Variants in SPOCK1 observed in about 807,000 individuals in gnomAD.
The protein encoded by SPOCK1 is SPARC (osteonectin), cwcv and kazal like domains proteoglycan 1, also known as testican-1.
A neutral mutation model predicts 55.3 loss-of-function variants in SPOCK1; 23 were observed. The observed-to-expected ratio is 0.42, with a 90% confidence interval of 0.30 to 0.59. The LOEUF (loss-of-function observed/expected upper bound fraction) is 0.59. SPOCK1 is among the 20% of genes least tolerant of loss of function. SPOCK1 has a pLI of 0.22. For missense variants in SPOCK1, 499 were observed against 552.5 expected (o/e 0.90, Z 0.97); for synonymous variants, 226 against 221.0 (o/e 1.02, Z -0.20).
chr5:137,329,945 CT>C (rs1561506452), intron 2 of SPOCK1, among the ~76,000 whole-genome samples: 1 of 152,148 alleles, frequency 6.6e-6, no homozygotes, highest in African/African-American at 2.4e-5. Context: ...ACAGGCTCCC[CT>C]GGCCCTCAAA....
At chr5:137,250,954 C>T (rs1028833467) in intron 3 of SPOCK1, among the ~76,000 whole-genome samples, 2 of 152,202 alleles carry the variant, frequency 1.3e-5, no homozygotes, top group African/African-American at 2.4e-5. Flanking sequence ...TACACACCAG[C>T]TGATGGCATA....
chr5:136,987,331 A>AAAAC (rs548896831), intron 8 of SPOCK1, among the ~76,000 whole-genome samples: 3 of 152,212 alleles, frequency 2.0e-5, no homozygotes, highest in Admixed American at 6.5e-5. Flanking sequence ...ATTTCCTTAA[A>AAAAC]AAACAAACAC....
chr5:137,423,901 G>A (rs1021563488), intron 2 of SPOCK1, among the ~76,000 whole-genome samples: 1 of 152,106 alleles, frequency 6.6e-6, no homozygotes, highest in Non-Finnish European at 1.5e-5. Flanking sequence ...GACTGGAGCT[G>A]TTCCTATTCA....
chr5:137,293,089 ATTTTTTTTTTTTTTTTTTT>A (rs531537488), intron 2 of SPOCK1, among the ~76,000 whole-genome samples: 1 of 100,850 alleles, frequency 9.9e-6, no homozygotes, highest in Non-Finnish European at 1.9e-5. Context: ...GGTTTGTTGA[ATTTTTTTTTTTTTTTTTTT>A]TTTTTTTTTT....
intron 4 of SPOCK1, among the ~76,000 whole-genome samples, chr5:137,119,639 G>C (rs1226359510): frequency 6.6e-6 from 1 of 152,220 alleles, no homozygotes; most frequent in East Asian, 1.9e-4. Flanking sequence ...AAGGCAAAGA[G>C]AACTGAAGAG....
chr5:137,373,067 A>T (rs1412281984), intron 2 of SPOCK1, among the ~76,000 whole-genome samples: 2 of 152,122 alleles, frequency 1.3e-5, no homozygotes, highest in Non-Finnish European at 2.9e-5. Flanking sequence ...CCACCATGTG[A>T]TGATGCAGCA....
At chr5:137,149,734 A>G (rs1754275456) in intron 3 of SPOCK1, among the ~76,000 whole-genome samples, 1 of 152,196 alleles carries the variant, frequency 6.6e-6, no homozygotes, top group Non-Finnish European at 1.5e-5. Flanking sequence ...TTGATCATGT[A>G]AGGATTGGGA....
intron 6 of SPOCK1, among the ~76,000 whole-genome samples, chr5:136,998,214 A>G (rs1442599905): frequency 6.6e-6 from 1 of 152,208 alleles, no homozygotes; most frequent in East Asian, 1.9e-4. Flanking sequence ...TGATATAAAG[A>G]ATAACATCTC....
chr5:136,988,503 G>A lies in SPOCK1; in HGVS notation c.847C>T (p.Pro283Ser). 6.2e-7 allele frequency: 1 copy of A among 1,614,156 alleles called. No individual in the cohort carries two copies. Among genetic ancestry groups the A allele is most frequent in the Admixed American group, 1.7e-5 (1 of 60,026 alleles). ...AAGGAGTCACACGAGTTGAAAAGAG[G>A]CTTGATACAGGGCTCGTACTTATCC... ...YLDKYEPCIK[P>S]LFNSCDSFKD... The change falls in exon 8 of 11, where the codon CCT becomes TCT. Residue 283 changes from proline (P) to serine (S), a missense_variant. Pro to Ser is a moderately conservative substitution (Grantham distance 74, BLOSUM62 -1). This residue lies in a region of SPOCK1 where 386 missense variants were observed against 400.6 expected (regional missense o/e 0.96). Coordinates refer to ENST00000394945, the MANE Select transcript of SPOCK1 (RefSeq NM_004598.4).
intron 3 of SPOCK1, among the ~76,000 whole-genome samples, chr5:137,160,068 G>A (rs987233872): frequency 6.6e-6 from 1 of 151,868 alleles, no homozygotes; most frequent in African/African-American, 2.4e-5. Context: ...CTTCACCCAA[G>A]CAGTGTACAC....
At chr5:137,440,088 G>C (rs11744217) in intron 2 of SPOCK1, among the ~76,000 whole-genome samples, 25,217 of 151,108 alleles carry the variant, frequency 0.17, 2,645 homozygotes, top group Admixed American at 0.29. Flanking sequence ...GCAGGGAGGG[G>C]GAAAAATCTT....
At chr5:137,275,294 C>T (rs181460668) in intron 2 of SPOCK1, among the ~76,000 whole-genome samples, 37 of 152,352 alleles carry the variant, frequency 2.4e-4, no homozygotes, top group African/African-American at 7.9e-4. Flanking sequence ...CTCCCTTCCC[C>T]CACCATAGCT....
At chr5:137,382,568 A>G (rs1751494856) in intron 2 of SPOCK1, among the ~76,000 whole-genome samples, 1 of 152,212 alleles carries the variant, frequency 6.6e-6, no homozygotes, top group Admixed American at 6.5e-5. Flanking sequence ...GAAACTTACA[A>G]TCATGGCAGA....
intron 2 of SPOCK1, among the ~76,000 whole-genome samples, chr5:137,356,811 A>ATG (rs1580883152): frequency 1.6e-4 from 2 of 12,172 alleles, no homozygotes; most frequent in East Asian, 3.7e-3. Flanking sequence ...ATATATATAT[A>ATG]TATATATATA....
chr5:137,262,037 A>G (rs930997670), intron 3 of SPOCK1, among the ~76,000 whole-genome samples: 4 of 152,248 alleles, frequency 2.6e-5, no homozygotes, highest in African/African-American at 9.6e-5. Context: ...TTTGTTCAGC[A>G]AAAGTACTAT....
intron 3 of SPOCK1, among the ~76,000 whole-genome samples, chr5:137,252,838 T>G (rs1206918797): frequency 6.6e-6 from 1 of 152,150 alleles, no homozygotes; most frequent in African/African-American, 2.4e-5. Context: ...AGCATGCCCT[T>G]TGGGGCTGTG....
At chr5:137,282,706 C>T (rs369573309) in intron 2 of SPOCK1, among the ~76,000 whole-genome samples, 351 of 152,340 alleles carry the variant, frequency 2.3e-3, no homozygotes, top group African/African-American at 8.2e-3. Context: ...AGAAAATCTC[C>T]AGTTTCTTCC....
chr5:137,226,163 C>T (rs1755944091), intron 3 of SPOCK1, among the ~76,000 whole-genome samples: 1 of 152,220 alleles, frequency 6.6e-6, no homozygotes, highest in Non-Finnish European at 1.5e-5. Context: ...TTCTGCAGCA[C>T]AGTGATTCTT....
At position 137,263,227 on chromosome 5, in the gene SPOCK1, G is replaced by A. The variant is rs540794406; in HGVS notation, c.232+3783C>T. ...ATTTGGAAAATGATAGGTTAAATGG[G>A]TTTCTTTACTGAAAGACGCCTCAGA... On this transcript the variant is annotated intron_variant, in intron 3 of 10. Coordinates refer to ENST00000394945, the MANE Select transcript of SPOCK1 (RefSeq NM_004598.4). 5.3e-5 allele frequency among the ~76,000 whole-genome samples: 8 copies of A among 152,320 alleles called. No homozygotes were observed. The South Asian group carries it at 1.4e-3, about 28-fold the overall frequency.
Sources: gnomAD v4.1 joint callset for allele counts (sites outside exome capture counted in the v4.1 genomes callset) on GRCh38, gnomAD v4.1.1 for gene constraint, gnomAD v4.1.1 regional missense constraint, MANE v1.5 for transcripts, NCBI Gene and HGNC (gene_info 2026-07-23, HGNC 2026-07-21) for gene names.